ARHGAP10: variants seen among roughly 807,000 people sequenced by gnomAD.
The protein encoded by ARHGAP10 is Rho GTPase activating protein 10.
Under a neutral mutation model 108.6 loss-of-function variants are expected in ARHGAP10, and 87 were observed. The observed-to-expected ratio is 0.80, with a 90% CI of 0.67 to 0.96. ARHGAP10 has a LOEUF of 0.96. Ranked by LOEUF, ARHGAP10 falls within the 40% of genes least tolerant of loss-of-function variation. The pLI is 0.00. For synonymous variants in ARHGAP10, 347 were observed against 341.1 expected (o/e 1.02, Z -0.19); for missense variants, 939 against 954.5 (o/e 0.98, Z 0.21).
At chr4:147,826,507 G>C (rs1732712796) in intron 3 of ARHGAP10, among the ~76,000 whole-genome samples, 1 of 152,202 alleles carries the variant, frequency 6.6e-6, no homozygotes, top group Non-Finnish European at 1.5e-5. Flanking sequence ...GCTGTCCAAA[G>C]CTGGGGTGGG....
chr4:147,790,731 A>G (rs1731084407), intron 1 of ARHGAP10, among the ~76,000 whole-genome samples: 1 of 152,212 alleles, frequency 6.6e-6, no homozygotes, highest in Non-Finnish European at 1.5e-5. Context: ...TATTCAAATA[A>G]GTTTTATCAA....
chr4:147,782,781 A>G (rs1730590310), intron 1 of ARHGAP10: 1 of 150,498 alleles, frequency 6.6e-6, no homozygotes, highest in South Asian at 2.1e-4. Context: ...CTTCCTGGTT[A>G]GTTTGACAGC....
intron 1 of ARHGAP10, among the ~76,000 whole-genome samples, chr4:147,754,946 T>C (rs1176885542): frequency 6.6e-6 from 1 of 151,694 alleles, no homozygotes; most frequent in African/African-American, 2.4e-5. Flanking sequence ...AATGCAAAAA[T>C]TAGCGGACGC....
chr4:148,061,899 T>A (rs1160561269), intron 20 of ARHGAP10, among the ~76,000 whole-genome samples: 1 of 152,188 alleles, frequency 6.6e-6, no homozygotes, highest in Non-Finnish European at 1.5e-5. Flanking sequence ...TTTCATTTAT[T>A]GGTGTCGCAG....
rs548544275 is a variant in ARHGAP10 at position 147,933,533 on chromosome 4, G to A, written c.1229-6292G>A. 2.6e-5 allele frequency among the ~76,000 whole-genome samples: 4 copies of A among 151,040 alleles called. No homozygotes were observed. In the East Asian group the frequency reaches 7.7e-4, roughly 29 times the overall value. ...GATGACTGACTCTTGGGTTTCCTGA[G>A]CCTGTGACCACTGTAGCTGTCTCAG... On this transcript the variant is annotated intron_variant, in intron 13 of 22. Coordinates refer to ENST00000336498, the MANE Select transcript of ARHGAP10 (RefSeq NM_024605.4).
chr4:147,949,753 T>G (rs1199159577), intron 15 of ARHGAP10, among the ~76,000 whole-genome samples: 2 of 152,224 alleles, frequency 1.3e-5, no homozygotes, highest in East Asian at 3.8e-4. Context: ...GACTCATAGC[T>G]AGTGCAGGTA....
chr4:148,066,891 C>T (rs1175913425), intron 22 of ARHGAP10, among the ~76,000 whole-genome samples: 1 of 152,204 alleles, frequency 6.6e-6, no homozygotes, highest in Non-Finnish European at 1.5e-5. Context: ...GACCACGATG[C>T]CACACTGGGT....
At chr4:147,858,246 A>G (rs1734173096) in intron 5 of ARHGAP10, 1 of 152,172 alleles carries the variant, frequency 6.6e-6, no homozygotes, top group Admixed American at 6.5e-5. Flanking sequence ...ACACACTTGG[A>G]TGGAAACTCA....
At chr4:147,807,624 C>A (rs527472618) in intron 1 of ARHGAP10, among the ~76,000 whole-genome samples, 2 of 151,128 alleles carry the variant, frequency 1.3e-5, no homozygotes, top group East Asian at 1.9e-4. Context: ...CAAAAAAAGG[C>A]CATAAAGAGG....
At chr4:147,984,733 A>G (rs561938268) in intron 18 of ARHGAP10, among the ~76,000 whole-genome samples, 1 of 152,320 alleles carries the variant, frequency 6.6e-6, no homozygotes, top group African/African-American at 2.4e-5. Context: ...GTGCCATTCA[A>G]CGTCCAGGCC....
chr4:147,939,690 T>A (rs920247785), intron 13 of ARHGAP10, 135 bp from the exon 14 acceptor site: 43 of 789,894 alleles, frequency 5.4e-5, no homozygotes, highest in Admixed American at 2.3e-5. Flanking sequence ...AAACACTTGA[T>A]TTTTTCAAAG....
chr4:147,737,622 C>A (rs1728475782), intron 1 of ARHGAP10, among the ~76,000 whole-genome samples: 1 of 152,188 alleles, frequency 6.6e-6, no homozygotes, highest in Admixed American at 6.5e-5. Context: ...CACTCTTTGC[C>A]TTGAAGAAGT....
chr4:147,813,322 G>A (rs1732108501), intron 1 of ARHGAP10, among the ~76,000 whole-genome samples: 2 of 152,180 alleles, frequency 1.3e-5, no homozygotes, highest in Admixed American at 1.3e-4. Context: ...CCCTGCTGGG[G>A]AGAAAGCTCT....
At chr4:147,815,881 A>T (rs1732222678) in intron 1 of ARHGAP10, among the ~76,000 whole-genome samples, 1 of 152,174 alleles carries the variant, frequency 6.6e-6, no homozygotes, top group African/African-American at 2.4e-5. Flanking sequence ...CCTTGATTTT[A>T]GCCCCATGAG....
At chr4:147,884,003 AC>A (rs1168833763) in intron 10 of ARHGAP10, among the ~76,000 whole-genome samples, 1 of 152,054 alleles carries the variant, frequency 6.6e-6, no homozygotes, top group Non-Finnish European at 1.5e-5. Flanking sequence ...CTTGAGCCCT[AC>A]CTCTTAACCA....
chr4:147,965,121 C>T lies in ARHGAP10; in HGVS notation c.1548C>T (p.His516=). The change falls in exon 17 of 23, where the codon CAC becomes CAT. Residue 516 remains histidine (H), a synonymous_variant. Coordinates refer to ENST00000336498, the MANE Select transcript of ARHGAP10 (RefSeq NM_024605.4). Reference sequence around the variant, plus strand: ...AGATGTTGGATATTTTGGTGAAACACTTAACAAAGTAAGCCTCTTTTTCTT... The same window carrying T: ...AGATGTTGGATATTTTGGTGAAACATTTAACAAAGTAAGCCTCTTTTTCTT... ...NKEMLDILVK[H]LTNVSNHSKQ... is the part of the protein sequence containing the mutation. The T allele has an allele frequency of 6.2e-7, 1 of 1,600,036 alleles. No homozygotes were observed. Among genetic ancestry groups the T allele is most frequent in the Non-Finnish European group, 8.5e-7 (1 of 1,172,414 alleles).
chr4:148,027,926 T>C (rs1283379813), intron 19 of ARHGAP10, among the ~76,000 whole-genome samples: 1 of 152,030 alleles, frequency 6.6e-6, no homozygotes, highest in Admixed American at 6.6e-5. Flanking sequence ...TTATTAGTGG[T>C]TTTTATTATA....
At chr4:147,932,537 G>A (rs1737746492) in intron 13 of ARHGAP10, among the ~76,000 whole-genome samples, 1 of 151,608 alleles carries the variant, frequency 6.6e-6, no homozygotes, top group Admixed American at 6.6e-5. Flanking sequence ...ATTTTTCTTA[G>A]CAAAGTAATG....
rs539492917 is a variant in ARHGAP10 at position 147,732,145 on chromosome 4, C to T, written c.-157C>T. ...AGCTCCTCCGCGCCGCAGGACTCGGCTCTACGGGACATGTCCGTGCCGCGC... is the reference window on the plus strand; with the variant it reads ...AGCTCCTCCGCGCCGCAGGACTCGGTTCTACGGGACATGTCCGTGCCGCGC... On this transcript the variant is annotated 5_prime_UTR_variant, in exon 1 of 23. Transcript: ENST00000336498. 107 of 567,842 alleles carry T rather than the reference C, an allele frequency of 1.9e-4. No homozygotes were observed. Among genetic ancestry groups the T allele is most frequent in the African/African-American group, 1.8e-3 (93 of 50,350 alleles). 35.2% of individuals were successfully genotyped at this position (567,842 alleles called of 1,614,324 possible). A position where few individuals can be genotyped will look rare whatever the true frequency, so the allele number is the denominator to read the frequency against.
Sources: gnomAD v4.1 joint callset for allele counts (sites outside exome capture counted in the v4.1 genomes callset) on GRCh38, gnomAD v4.1.1 for gene constraint, MANE v1.5 for transcripts, NCBI Gene and HGNC (gene_info 2026-07-23, HGNC 2026-07-21) for gene names.